The following RANBP9 variants were observed in gnomAD, a reference collection of about 807,000 sequenced individuals.
RANBP9 encodes ran-binding protein 9.
Under a neutral mutation model 84.3 loss-of-function variants are expected in RANBP9, and 15 were observed. The ratio of observed to expected loss-of-function variants is 0.18; its 90% CI spans 0.12 to 0.27. The LOEUF is 0.27. Among genes scored for constraint, RANBP9 ranks in the 10% least tolerant of loss-of-function variants. The probability of loss-of-function intolerance (pLI) is 1.00; values close to 1 mark genes in which losing one functional copy is unlikely to be tolerated. For synonymous variants in RANBP9, 392 were observed against 349.6 expected (o/e 1.12, Z -1.35); for missense variants, 809 against 912.8 (o/e 0.89, Z 1.46).
intron 2 of RANBP9, among the ~76,000 whole-genome samples, chr6:13,688,725 G>A (rs911998949): frequency 4.0e-5 from 6 of 150,814 alleles, no homozygotes; most frequent in Non-Finnish European, 8.9e-5. Context: ...TCAGGCAACC[G>A]CCTCACAACC....
At position 13,711,264 on chromosome 6, in the gene RANBP9, G is replaced by A. The variant is rs1200421561; in HGVS notation, c.242C>T (p.Ala81Val). 3 of 973,600 alleles carry A rather than the reference G, an allele frequency of 3.1e-6. No individual in the cohort carries two copies. The highest frequency in any genetic ancestry group is 1.8e-5 in the African/African-American group (1 of 56,174). 60.3% of individuals were successfully genotyped at this position (973,600 alleles called of 1,614,324 possible). Reference protein sequence around the residue: ...PPPPPPPATAAPPPPPPPPPP... With the variant: ...PPPPPPPATAVPPPPPPPPPP... Reference sequence around the variant, plus strand: ...CGGGGGCGGCGGCGGGGGCGGCGGGGCCGCGGTGGCCGGGGGCGGCGGCGG... The same window carrying A: ...CGGGGGCGGCGGCGGGGGCGGCGGGACCGCGGTGGCCGGGGGCGGCGGCGG... Residue 81 changes from alanine (A) to valine (V), a missense_variant, in exon 1 of 14, where the codon GCC (alanine) becomes GTC (valine). By Grantham distance (64) the Ala-to-Val change is moderately conservative. Around this residue, in one of 5 missense-constraint regions of RANBP9, gnomAD observed 302 missense variants for 240.1 expected, o/e 1.26. Coordinates refer to ENST00000011619, the MANE Select transcript of RANBP9 (RefSeq NM_005493.3).
Position 13,637,863 on chromosome 6 carries a change from G to C in RANBP9, c.1618C>G (p.Pro540Ala), listed in dbSNP as rs1221532052. ...NKHQSSNLNV[P>A]ELNSINMSRS... Reference sequence around the variant, plus strand: ...GACATATTTATACTGTTTAGTTCTGGTACATTCAAGTTGGATGACTGGTGT... The same window carrying C: ...GACATATTTATACTGTTTAGTTCTGCTACATTCAAGTTGGATGACTGGTGT... The change falls in exon 10 of 14, where the codon CCA becomes GCA. Residue 540 changes from proline to alanine, a missense_variant. Around this residue, in one of 5 missense-constraint regions of RANBP9, gnomAD observed 233 missense variants for 234.4 expected, o/e 0.99. Transcript: ENST00000011619. The C allele has an allele frequency of 3.1e-6, 5 of 1,609,856 alleles. No homozygotes were observed. Among genetic ancestry groups the C allele is most frequent in the Non-Finnish European group, 3.4e-6 (4 of 1,176,718 alleles).
chr6:13,670,110 T>C (rs567260662), intron 2 of RANBP9, among the ~76,000 whole-genome samples: 2 of 152,112 alleles, frequency 1.3e-5, no homozygotes, highest in South Asian at 2.1e-4. Context: ...CTAGCCGACA[T>C]AGCAAAAGCC....
chr6:13,664,106 A>C lies in RANBP9; in HGVS notation c.684-5274T>G, dbSNP rs571776043. On this transcript the variant is annotated intron_variant, in intron 2 of 13. Transcript: ENST00000011619. ...GCTGGCTCTATGTACAGATGATATG[A>C]CTGTTTATAAAGAAAATCCTAAGGA... Among the ~76,000 whole-genome samples, 4 of 152,290 alleles carry C rather than the reference A, an allele frequency of 2.6e-5. No individual in the cohort carries two copies. The South Asian group carries it at 8.3e-4, about 32-fold the overall frequency.
chr6:13,639,240 G>A (rs904610469), intron 9 of RANBP9, among the ~76,000 whole-genome samples: 2 of 152,138 alleles, frequency 1.3e-5, no homozygotes, highest in Admixed American at 6.5e-5. Context: ...GTGCAGTGAC[G>A]TGATCTCAGC....
chr6:13,648,913 T>C (rs1421155401), intron 5 of RANBP9, among the ~76,000 whole-genome samples: 1 of 152,166 alleles, frequency 6.6e-6, no homozygotes, highest in East Asian at 1.9e-4. Flanking sequence ...AATCCCAAAC[T>C]GAATTAGTTA....
chr6:13,684,581 T>C (rs1766123652), intron 2 of RANBP9, among the ~76,000 whole-genome samples: 1 of 152,206 alleles, frequency 6.6e-6, no homozygotes, highest in South Asian at 2.1e-4. Flanking sequence ...TGTAAACCGC[T>C]GTCACAAATT....
Position 13,625,896 on chromosome 6 carries a change from C to T in RANBP9, c.1948-132G>A, listed in dbSNP as rs550525650. On this transcript the variant is annotated intron_variant, in intron 12 of 13. Transcript: ENST00000011619. ...AATGTAAACTTTAAACCCATTTACT[C>T]CCAGCACTGGGACGCTCTACATTTT... is the stretch of plus-strand genomic sequence containing the variant. The T allele has an allele frequency of 6.9e-6, 4 of 581,162 alleles. No individual in the cohort carries two copies. The Admixed American group carries it at 1.0e-4, about 15-fold the overall frequency. The allele number at this position is 581,162 out of a possible 1,614,324, so 36.0% of individuals were successfully genotyped here.
At chr6:13,699,023 T>C (rs1418844931) in intron 1 of RANBP9, among the ~76,000 whole-genome samples, 1 of 152,212 alleles carries the variant, frequency 6.6e-6, no homozygotes, top group Admixed American at 6.5e-5. Flanking sequence ...TTGGGTGCTT[T>C]TGTATGGATT....
intron 2 of RANBP9, among the ~76,000 whole-genome samples, chr6:13,686,594 G>A (rs1766196510): frequency 6.6e-6 from 1 of 152,042 alleles, no homozygotes; most frequent in African/African-American, 2.4e-5. Context: ...CTAATAAACA[G>A]GGTCTCGCTT....
chr6:13,639,806 T>C (rs1306029554), intron 8 of RANBP9, 53 bp from the exon 9 acceptor site: 2 of 1,402,576 alleles, frequency 1.4e-6, no homozygotes, highest in Non-Finnish European at 2.0e-6. Context: ...TGGCCTTTTA[T>C]TTAATAGCAA....
chr6:13,654,221 C>T (rs569801128), intron 4 of RANBP9, among the ~76,000 whole-genome samples: 4 of 152,166 alleles, frequency 2.6e-5, no homozygotes, highest in African/African-American at 9.6e-5. Flanking sequence ...AATCAGACCA[C>T]GAAAAGATGC....
chr6:13,653,507 C>T (rs1765338770), intron 4 of RANBP9, among the ~76,000 whole-genome samples: 1 of 152,228 alleles, frequency 6.6e-6, no homozygotes, highest in Middle Eastern at 3.4e-3. Flanking sequence ...GTCAGCTGAT[C>T]TCAATTCTTC....
intron 2 of RANBP9, among the ~76,000 whole-genome samples, chr6:13,692,041 T>C (rs764574408): frequency 2.0e-5 from 3 of 152,332 alleles, no homozygotes; most frequent in Middle Eastern, 3.4e-3. Context: ...ACAGCTACTC[T>C]TTCTGGTCCA....
At chr6:13,653,754 C>T (rs1039066174) in intron 4 of RANBP9, among the ~76,000 whole-genome samples, 1 of 152,012 alleles carries the variant, frequency 6.6e-6, no homozygotes, top group African/African-American at 2.4e-5. Flanking sequence ...AAAATTAATG[C>T]TTTTGTAGTT....
intron 4 of RANBP9, among the ~76,000 whole-genome samples, 171 bp downstream of exon 4, chr6:13,656,938 G>A (rs1362145771): frequency 1.3e-5 from 2 of 151,882 alleles, no homozygotes; most frequent in Non-Finnish European, 1.5e-5. Flanking sequence ...TATAAATAGG[G>A]TGAATATAAA....
rs750356294 is a variant in RANBP9, at chr6:13,641,441, T to C, written c.1226-134A>G. 1.0e-5 allele frequency: 6 copies of C among 597,654 alleles called. No homozygotes were observed. In the South Asian group the frequency reaches 1.1e-4, roughly 11 times the overall value. 37.0% of individuals were successfully genotyped at this position (597,654 alleles called of 1,614,324 possible). A position where few individuals can be genotyped will look rare whatever the true frequency, so the allele number is the denominator to read the frequency against. ...TTAATTTCAATTTCTTTCTCTAACA[T>C]CATAGTTTCCATTAGGCAATCCAGG... On this transcript the variant is annotated intron_variant, in intron 7 of 13. Coordinates refer to ENST00000011619, the MANE Select transcript of RANBP9 (RefSeq NM_005493.3).
Position 13,711,211 on chromosome 6 carries a change from C to A in RANBP9, c.295G>T (p.Ala99Ser). 1 of 710,074 alleles carries A rather than the reference C, an allele frequency of 1.4e-6. No homozygotes were observed. Among genetic ancestry groups the A allele is most frequent in the Non-Finnish European group, 1.7e-6 (1 of 581,062 alleles). 44.0% of individuals were successfully genotyped at this position (710,074 alleles called of 1,614,324 possible). ...CCCGGGGGAGCGGGCGGCCCGCTGGCGGGGGCAGCCGCTGAGGCAGGGGGA... is the reference window on the plus strand; with the variant it reads ...CCCGGGGGAGCGGGCGGCCCGCTGGAGGGGGCAGCCGCTGAGGCAGGGGGA... ...PPPPASAAAP[A>S]SGPPAPPGLA... The change falls in exon 1 of 14, where the codon GCC (alanine) becomes TCC (serine). Residue 99 changes from alanine (A) to serine (S), a missense_variant. Coordinates refer to ENST00000011619, the MANE Select transcript of RANBP9 (RefSeq NM_005493.3).
intron 2 of RANBP9, among the ~76,000 whole-genome samples, chr6:13,673,834 T>C (rs982441816): frequency 6.6e-6 from 1 of 152,120 alleles, no homozygotes; most frequent in African/African-American, 2.4e-5. Context: ...ATGCCTGTAA[T>C]CCCTTCAGAA....
Sources: gnomAD v4.1 joint callset for allele counts (sites outside exome capture counted in the v4.1 genomes callset) on GRCh38, gnomAD v4.1.1 for gene constraint, gnomAD v4.1.1 regional missense constraint, MANE v1.5 for transcripts, NCBI Gene and HGNC (gene_info 2026-07-23, HGNC 2026-07-21) for gene names.